The following DLC1 variants were observed in gnomAD, a reference collection of about 807,000 sequenced individuals.
The protein encoded by DLC1 is DLC1 Rho GTPase activating protein, also known as rho GTPase-activating protein 7.
DLC1 carries 54 observed loss-of-function variants against 140.3 expected under a neutral mutation model. That is an observed-to-expected ratio of 0.38 (90% CI 0.31 to 0.48). The LOEUF is 0.48. Among genes scored for constraint, DLC1 ranks in the 20% least tolerant of loss-of-function variants. The pLI is 0.96. For synonymous variants in DLC1, 986 were observed against 728.1 expected, an observed-to-expected ratio of 1.35 and a Z score of -5.70; for missense variants, 2,536 against 1,907.0, an observed-to-expected ratio of 1.33 and a Z score of -6.14.
chr8:13,414,639 T>C (rs1837960653), intron 2 of DLC1, among the ~76,000 whole-genome samples: 2 of 152,152 alleles, frequency 1.3e-5, no homozygotes, highest in Non-Finnish European at 2.9e-5. Flanking sequence ...TGGGACTCTA[T>C]ATGGAAAAGA....
chr8:13,211,033 C>T (rs73558320), intron 5 of DLC1, among the ~76,000 whole-genome samples: 5,141 of 152,172 alleles, frequency 0.034, 290 homozygotes, highest in African/African-American at 0.12. Context: ...GTTTTCAAGA[C>T]CCTCCTGATC....
chr8:13,434,129 G>T (rs550293477), intron 2 of DLC1, among the ~76,000 whole-genome samples: 1 of 152,064 alleles, frequency 6.6e-6, no homozygotes, highest in African/African-American at 2.4e-5. Context: ...CACCTGCCTC[G>T]GCCTCCCAAA....
chr8:13,240,884 G>A (rs1370158127), intron 5 of DLC1, among the ~76,000 whole-genome samples: 2 of 152,110 alleles, frequency 1.3e-5, no homozygotes, highest in Non-Finnish European at 2.9e-5. Flanking sequence ...GCCTTTCCTG[G>A]TGCTATGTGT....
At position 13,086,281 on chromosome 8, in the gene DLC1, A is replaced by C. The variant is rs923965263; in HGVS notation, c.4466+9T>G. On this transcript the variant is annotated intron_variant, in intron 17 of 17. Coordinates refer to ENST00000276297, the MANE Select transcript of DLC1 (RefSeq NM_182643.3). Reference sequence around the variant, plus strand: ...CTCACCATATAAAAAAATCAGAATCAGAACATACCTTAAGTCAACTCTGCA... The same window carrying C: ...CTCACCATATAAAAAAATCAGAATCCGAACATACCTTAAGTCAACTCTGCA... 1.2e-6 allele frequency: 2 copies of C among 1,608,988 alleles called. No homozygotes were observed. Among genetic ancestry groups the C allele is most frequent in the African/African-American group, 2.7e-5 (2 of 74,728 alleles).
At position 13,581,520 on chromosome 8, in the gene DLC1, C is replaced by T. The variant is rs186604360; in HGVS notation, c.-126+23017G>A. On this transcript the variant is annotated intron_variant, in intron 1 of 1. Coordinates refer to the DLC1 transcript ENST00000631382. Reference sequence around the variant, plus strand: ...TACTATGTCCAATCCAACAGCTAACCCTGTATTTTCTTCATCCAAGATTTA... The same window carrying T: ...TACTATGTCCAATCCAACAGCTAACTCTGTATTTTCTTCATCCAAGATTTA... 1.9e-4 allele frequency among the ~76,000 whole-genome samples: 29 copies of T among 152,266 alleles called. No homozygotes were observed. The East Asian group carries it at 5.4e-3, about 28-fold the overall frequency.
In DLC1 at chr8:13,393,595, A is replaced by T; in HGVS notation, c.1272T>A (p.Ser424=). 1 of 1,614,122 alleles carries T rather than the reference A, an allele frequency of 6.2e-7. No homozygotes were observed. The highest frequency in any genetic ancestry group is 8.5e-7 in the Non-Finnish European group (1 of 1,180,024). Residue 424 remains serine (S), a synonymous_variant, in exon 4 of 18, where the codon TCT becomes TCA. Transcript: ENST00000276297. ...SSDTESTDLP[S]STPVANSGTK... Reference sequence around the variant, plus strand: ...TTCCAGAATTGGCTACTGGAGTGGAAGATGGGAGGTCCGTGGACTCAGTGT... The same window carrying T: ...TTCCAGAATTGGCTACTGGAGTGGATGATGGGAGGTCCGTGGACTCAGTGT...
Position 13,100,351 on chromosome 8 carries a change from G to C in DLC1, c.1986C>G (p.Ser662=). 6.2e-7 allele frequency: 1 copy of C among 1,614,202 alleles called. No homozygotes were observed. Among genetic ancestry groups the C allele is most frequent in the Non-Finnish European group, 8.5e-7 (1 of 1,180,046 alleles). The change falls in exon 9 of 18, where the codon TCC becomes TCG. Residue 662 remains serine, a synonymous_variant. Coordinates refer to ENST00000276297, the MANE Select transcript of DLC1 (RefSeq NM_182643.3). ...TCCGTTTCAGCAGACTGCGCGTCTTGGACTTGGCAGTTTTTTCGTGGCCTT... is the reference window on the plus strand; with the variant it reads ...TCCGTTTCAGCAGACTGCGCGTCTTCGACTTGGCAGTTTTTTCGTGGCCTT... ...SMKGHEKTAK[S]KTRSLLKRME...
At chr8:13,585,917 A>G (rs1449002204) in intron 1 of DLC1, among the ~76,000 whole-genome samples, 1 of 152,246 alleles carries the variant, frequency 6.6e-6, no homozygotes, top group Non-Finnish European at 1.5e-5. Flanking sequence ...TTGGAGGGAT[A>G]TAATTCAAAC....
chr8:13,362,089 A>T (rs1206691542), intron 4 of DLC1, among the ~76,000 whole-genome samples: 1 of 152,244 alleles, frequency 6.6e-6, no homozygotes, highest in Admixed American at 6.5e-5. Context: ...CAGGCTCTGA[A>T]GGAGGAAAGT....
At chr8:13,524,810 C>T (rs1475945697) in intron 1 of DLC1, among the ~76,000 whole-genome samples, 2 of 151,612 alleles carry the variant, frequency 1.3e-5, no homozygotes, top group Admixed American at 6.6e-5. Context: ...TGGCATTTCT[C>T]TTATGTATTT....
At position 13,438,169 on chromosome 8, in the gene DLC1, C is replaced by G. The variant is rs565106101; in HGVS notation, c.1024-36550G>C. Among the ~76,000 whole-genome samples, 8 of 152,174 alleles carry G rather than the reference C, an allele frequency of 5.3e-5. No individual in the cohort carries two copies. The South Asian group carries it at 1.7e-3, about 32-fold the overall frequency. ...AGCTTTTAAACAAACAATCCATCAACCGATGCTCAAGCCTCATCTCAATTA... is the reference window on the plus strand; with the variant it reads ...AGCTTTTAAACAAACAATCCATCAAGCGATGCTCAAGCCTCATCTCAATTA... On this transcript the variant is annotated intron_variant, in intron 2 of 17. Coordinates refer to ENST00000276297, the MANE Select transcript of DLC1 (RefSeq NM_182643.3).
chr8:13,207,151 A>G (rs957748918), intron 5 of DLC1, among the ~76,000 whole-genome samples: 2 of 152,230 alleles, frequency 1.3e-5, no homozygotes, highest in African/African-American at 4.8e-5. Flanking sequence ...CAAATTTTAA[A>G]AATCTGAATA....
intron 1 of DLC1, among the ~76,000 whole-genome samples, chr8:13,581,691 T>A (rs905845372): frequency 7.9e-5 from 12 of 152,210 alleles, no homozygotes; most frequent in Non-Finnish European, 1.3e-4. Flanking sequence ...TAGGGTAATC[T>A]TTCAAAGATG....
At chr8:13,588,342 G>T (rs986071458) in intron 1 of DLC1, among the ~76,000 whole-genome samples, 1 of 152,094 alleles carries the variant, frequency 6.6e-6, no homozygotes, top group African/African-American at 2.4e-5. Flanking sequence ...GGAGAGGTTT[G>T]TCAGAATGAG....
intron 5 of DLC1, among the ~76,000 whole-genome samples, chr8:13,259,372 C>T (rs758361711): frequency 2.6e-5 from 4 of 151,046 alleles, no homozygotes; most frequent in Admixed American, 6.6e-5. Flanking sequence ...AAATTTTACA[C>T]GATCTTAATT....
intron 4 of DLC1, among the ~76,000 whole-genome samples, chr8:13,363,138 A>C (rs532646145): frequency 6.6e-6 from 1 of 152,202 alleles, no homozygotes. Flanking sequence ...ATATTTGTAA[A>C]TTACTAATTC....
rs1330386405 is a variant in DLC1, at chr8:13,194,648, A to T, written c.1349-78991T>A. 2.0e-5 allele frequency among the ~76,000 whole-genome samples: 3 copies of T among 152,218 alleles called. No homozygotes were observed. In the East Asian group the frequency reaches 5.8e-4, roughly 29 times the overall value. ...CTGGGGATTAAAAATAACAGAACTA[A>T]GTTTTAACCTTTTCATAGTCAACTT... is the stretch of plus-strand genomic sequence containing the variant. On this transcript the variant is annotated intron_variant, in intron 5 of 17. Transcript: ENST00000276297.
intron 2 of DLC1, among the ~76,000 whole-genome samples, chr8:13,481,540 T>TA: frequency 1.3e-5 from 2 of 152,230 alleles, no homozygotes; most frequent in Non-Finnish European, 2.9e-5. Flanking sequence ...ACATAAATAA[T>TA]AAACGTCCGT....
At chr8:13,575,085 C>G (rs895997789) in intron 1 of DLC1, among the ~76,000 whole-genome samples, 1 of 152,146 alleles carries the variant, frequency 6.6e-6, no homozygotes, top group Non-Finnish European at 1.5e-5. Flanking sequence ...GATAATTACC[C>G]TTTGGAATAG....
Sources: gnomAD v4.1 joint callset for allele counts (sites outside exome capture counted in the v4.1 genomes callset) on GRCh38, gnomAD v4.1.1 for gene constraint, MANE v1.5 for transcripts, NCBI Gene and HGNC (gene_info 2026-07-23, HGNC 2026-07-21) for gene names.